PRRX1: variants seen among roughly 807,000 people sequenced by gnomAD.
PRRX1 encodes paired related homeobox 1, also known as paired mesoderm homeobox protein 1.
Under a neutral mutation model 24.0 loss-of-function variants are expected in PRRX1, and 8 were observed. The observed-to-expected ratio is 0.33, with a 90% CI of 0.20 to 0.60. The LOEUF is 0.60. PRRX1 is among the 20% of genes least tolerant of loss of function. PRRX1 has a pLI of 0.82. For synonymous variants in PRRX1, 160 were observed against 131.7 expected (o/e 1.22, Z -1.47); for missense variants, 281 against 322.4 (o/e 0.87, Z 0.98).
intron 1 of PRRX1, among the ~76,000 whole-genome samples, chr1:170,696,941 G>A (rs1654190185): frequency 6.6e-6 from 1 of 152,118 alleles, no homozygotes; most frequent in African/African-American, 2.4e-5. Context: ...ACTTAATAGA[G>A]CTAAATAAAA....
In PRRX1 at chr1:170,719,802, G is replaced by T. The variant is rs1374643294; in HGVS notation, c.318G>T (p.Leu106=). ...GGACAACCTTCAATAGCAGCCAGCT[G>T]CAGGCTTTGGAGCGTGTCTTTGAGC... The part of the protein sequence containing the change: ...RNRTTFNSSQ[L]QALERVFERT... The change falls in exon 2 of 4, where the codon CTG becomes CTT. Residue 106 remains leucine (L), a synonymous_variant. Coordinates refer to ENST00000239461, the MANE Select transcript of PRRX1 (RefSeq NM_022716.4). 3.7e-6 allele frequency: 6 copies of T among 1,614,214 alleles called. No individual in the cohort carries two copies. Among genetic ancestry groups the T allele is most frequent in the East Asian group, 2.2e-5 (1 of 44,890 alleles).
At position 170,736,450 on chromosome 1, in the gene PRRX1, T is replaced by C. The variant is rs1655606573; in HGVS notation, c.*264T>C. ...TTTTGTTTTTCTTTCATTCATGCTTTGCTTAATGTACTCCAGGCTTCTTCA... is the reference window on the plus strand; with the variant it reads ...TTTTGTTTTTCTTTCATTCATGCTTCGCTTAATGTACTCCAGGCTTCTTCA... On this transcript the variant is annotated 3_prime_UTR_variant, in exon 4 of 4. Coordinates refer to ENST00000239461, the MANE Select transcript of PRRX1 (RefSeq NM_022716.4). 2 of 495,372 alleles carry C rather than the reference T, an allele frequency of 4.0e-6. No homozygotes were observed. Among genetic ancestry groups the C allele is most frequent in the Non-Finnish European group, 7.3e-6 (2 of 273,054 alleles). The allele number at this position is 495,372 out of a possible 1,614,324, so 30.7% of individuals were successfully genotyped here. A position where few individuals can be genotyped will look rare whatever the true frequency, so the allele number is the denominator to read the frequency against.
chr1:170,707,409 T>TAA (rs576149054), intron 1 of PRRX1, among the ~76,000 whole-genome samples: 8 of 147,684 alleles, frequency 5.4e-5, no homozygotes, highest in African/African-American at 2.0e-4. Context: ...GTTGGCCAGA[T>TAA]AAAAAAAAAA....
intron 1 of PRRX1, among the ~76,000 whole-genome samples, chr1:170,705,054 T>C (rs1304455838): frequency 5.3e-5 from 8 of 152,190 alleles, no homozygotes; most frequent in Non-Finnish European, 1.2e-4. Flanking sequence ...ATGGTCTCAA[T>C]ATATAAACTC....
At chr1:170,700,761 T>C (rs1447834714) in intron 1 of PRRX1, among the ~76,000 whole-genome samples, 2 of 152,194 alleles carry the variant, frequency 1.3e-5, no homozygotes, top group Non-Finnish European at 2.9e-5. Flanking sequence ...GAAAACCCGT[T>C]ACTGACTGTC....
chr1:170,692,787 A>G (rs957409729), intron 1 of PRRX1, among the ~76,000 whole-genome samples: 9 of 150,288 alleles, frequency 6.0e-5, no homozygotes, highest in African/African-American at 2.2e-4. Context: ...ACGCACATGC[A>G]TCTCTCACAT....
rs1655621570 is a variant in PRRX1, at chr1:170,736,722, T to A, written c.*536T>A. The A allele has an allele frequency of 5.2e-6, 1 of 192,552 alleles. No individual in the cohort carries two copies. The highest frequency in any genetic ancestry group is 2.3e-5 in the African/African-American group (1 of 42,736). 11.9% of individuals were successfully genotyped at this position (192,552 alleles called of 1,614,324 possible). A position where few individuals can be genotyped will look rare whatever the true frequency, so the allele number is the denominator to read the frequency against. ...TCTGTGCTGGACAGACATAATTCCC[T>A]TTCTCATTGTCTCCATCTTTGTTGG... On this transcript the variant is annotated 3_prime_UTR_variant, in exon 4 of 4. Transcript: ENST00000239461.
chr1:170,687,962 A>G (rs1171488892), intron 1 of PRRX1, among the ~76,000 whole-genome samples: 2 of 152,176 alleles, frequency 1.3e-5, no homozygotes, highest in Non-Finnish European at 2.9e-5. Flanking sequence ...AAAAGAAAGG[A>G]GAAAGAGAAG....
Position 170,664,234 on chromosome 1 carries a change from G to A in PRRX1, c.16G>A (p.Gly6Arg), listed in dbSNP as rs748513691. The A allele has an allele frequency of 6.2e-7, 1 of 1,611,572 alleles. No individual in the cohort carries two copies. The highest frequency in any genetic ancestry group is 8.5e-7 in the Non-Finnish European group (1 of 1,179,260). Reference protein sequence around the residue: MTSSYGHVLERQPALG... With the variant: MTSSYRHVLERQPALG... ...GGGGGAGACCATGACCTCCAGCTAC[G>A]GGCACGTTCTGGAGCGGCAACCGGC... The change falls in exon 1 of 4, where the codon GGG (glycine) becomes AGG (arginine). Residue 6 changes from glycine to arginine, a missense_variant. Gly to Arg is a moderately radical substitution (Grantham distance 125). Coordinates refer to ENST00000239461, the MANE Select transcript of PRRX1 (RefSeq NM_022716.4).
At chr1:170,692,336 AG>A (rs1356129598) in intron 1 of PRRX1, among the ~76,000 whole-genome samples, 1 of 152,090 alleles carries the variant, frequency 6.6e-6, no homozygotes, top group African/African-American at 2.4e-5. Flanking sequence ...CTTAATTTGA[AG>A]GGTTTAACTC....
intron 1 of PRRX1, among the ~76,000 whole-genome samples, chr1:170,687,643 G>C (rs139950693): frequency 2.6e-4 from 40 of 152,208 alleles, no homozygotes; most frequent in African/African-American, 9.2e-4. Context: ...ATAGGATATG[G>C]TTAGCATTGT....
intron 1 of PRRX1, among the ~76,000 whole-genome samples, chr1:170,691,627 G>A (rs1476551186): frequency 2.8e-5 from 4 of 143,460 alleles, no homozygotes; most frequent in Non-Finnish European, 6.1e-5. Context: ...CAGATATATT[G>A]TTGTGTCAAT....
rs748836293 is a variant in PRRX1 at position 170,664,387 on chromosome 1, G to C, written c.169G>C (p.Val57Leu). 7 of 1,613,512 alleles carry C rather than the reference G, an allele frequency of 4.3e-6. No homozygotes were observed. The East Asian group carries it at 8.9e-5, about 21-fold the overall frequency. Residue 57 changes from valine (V) to leucine (L), a missense_variant, in exon 1 of 4, where the codon GTG becomes CTG. Physicochemically the swap from Val to Leu is conservative, Grantham distance 32. Transcript: ENST00000239461. ...GGTGGCGGCACAGGCGGATGAGAAC[G>C]TGGGCGAGGCTGGCCGGAGCCTGCT... The part of the protein sequence containing the change: ...DMVAAQADEN[V>L]GEAGRSLLES...
rs373107972 is a variant in PRRX1 at position 170,719,710 on chromosome 1, T to C, written c.242-16T>C. 2.8e-5 allele frequency: 45 copies of C among 1,613,746 alleles called. No homozygotes were observed. The highest frequency in any genetic ancestry group is 6.7e-5 in the African/African-American group (5 of 75,066). ...CAGTGAATTTGGCTTCTTTTCATCA[T>C]TGTGTTCTATTCCAGATGACCAGCT... On this transcript the variant is annotated splice_polypyrimidine_tract_variant and intron_variant, in intron 1 of 3. Coordinates refer to ENST00000239461, the MANE Select transcript of PRRX1 (RefSeq NM_022716.4).
intron 1 of PRRX1, among the ~76,000 whole-genome samples, chr1:170,697,326 G>A (rs1321287733): frequency 6.6e-6 from 1 of 152,108 alleles, no homozygotes; most frequent in Non-Finnish European, 1.5e-5. Context: ...CCCTTGAAGG[G>A]TTATAATATT....
In PRRX1 at chr1:170,689,839, C is replaced by CCTCTCTCTCTCTCTCT. The variant is rs71559512; in HGVS notation, c.241+25401_241+25416dup. Among the ~76,000 whole-genome samples, 16 of 91,642 alleles carry CCTCTCTCTCTCTCTCT rather than the reference C, an allele frequency of 1.7e-4. No individual in the cohort carries two copies. The South Asian group carries it at 2.0e-3, about 11-fold the overall frequency. 60.1% of individuals were successfully genotyped at this position (91,642 alleles called of 152,430 possible). Reference sequence around the variant, plus strand: ...GTCTCTCTCTCTCTCTCTCTCTCTCCCTCTCTCTCTCTCTCTCTCTCTCTC... The same window carrying CCTCTCTCTCTCTCTCT: ...GTCTCTCTCTCTCTCTCTCTCTCTCCCTCTCTCTCTCTCTCTCTCTCTCTCTCTCTCTCTCTCTCTC... On this transcript the variant is annotated intron_variant, in intron 1 of 3. Transcript: ENST00000239461.
rs75121039 is a variant in PRRX1 at position 170,709,060 on chromosome 1, C to T, written c.242-10666C>T. Among the ~76,000 whole-genome samples, 493 of 152,212 alleles carry T rather than the reference C, an allele frequency of 3.2e-3. 6 individuals carry two copies. Among genetic ancestry groups the T allele is most frequent in the African/African-American group, 0.011 (446 of 41,524 alleles). On this transcript the variant is annotated intron_variant, in intron 1 of 3. Coordinates refer to ENST00000239461, the MANE Select transcript of PRRX1 (RefSeq NM_022716.4). ...ACTAATGTCAGGTGCCGGGATAGCACAGTTAACAAGTCAGGTAAGGTGCCT... is the reference window on the plus strand; with the variant it reads ...ACTAATGTCAGGTGCCGGGATAGCATAGTTAACAAGTCAGGTAAGGTGCCT...
In PRRX1 at chr1:170,664,440, C is replaced by A; in HGVS notation, c.222C>A (p.Ser74Arg). ...LLESPGLTSGSDTPQQDNDQL... is the reference protein window; with the variant it reads ...LLESPGLTSGRDTPQQDNDQL... ...AGTCGCCGGGACTCACCAGCGGCAG[C>A]GACACCCCGCAGCAGGACAGTGAGT... Residue 74 changes from serine to arginine, a missense_variant, in exon 1 of 4, where the codon AGC becomes AGA. Transcript: ENST00000239461. The A allele has an allele frequency of 1.2e-6, 2 of 1,604,736 alleles. No homozygotes were observed. Among genetic ancestry groups the A allele is most frequent in the Non-Finnish European group, 1.7e-6 (2 of 1,176,302 alleles).
intron 2 of PRRX1, among the ~76,000 whole-genome samples, chr1:170,723,423 TA>T (rs1468126501): frequency 2.6e-5 from 4 of 152,224 alleles, no homozygotes; most frequent in African/African-American, 7.2e-5. Flanking sequence ...CTTCATTTAA[TA>T]GGTTTTGATC....
Sources: gnomAD v4.1 joint callset for allele counts (sites outside exome capture counted in the v4.1 genomes callset) on GRCh38, gnomAD v4.1.1 for gene constraint, MANE v1.5 for transcripts, NCBI Gene and HGNC (gene_info 2026-07-23, HGNC 2026-07-21) for gene names.